The following DPP10 variants were observed in gnomAD, a reference collection of about 807,000 sequenced individuals.
The protein encoded by DPP10 is inactive dipeptidyl peptidase 10.
Under a neutral mutation model 120.9 loss-of-function variants are expected in DPP10, and 33 were observed. The ratio of observed to expected loss-of-function variants is 0.27; its 90% confidence interval spans 0.21 to 0.37. The LOEUF (loss-of-function observed/expected upper bound fraction) is 0.37. Ranked by LOEUF, DPP10 falls within the 10% of genes least tolerant of loss-of-function variation. The pLI is 1.00. For missense variants in DPP10, 816 were observed against 942.8 expected (o/e 0.87, Z 1.76); for synonymous variants, 337 against 326.1 (o/e 1.03, Z -0.36).
Position 114,700,462 on chromosome 2 carries a change from G to A in DPP10, c.60+257624G>A, listed in dbSNP as rs545026125. ...TATTTGTCAGGAATTGAAAGAAATC[G>A]GTGATCCTAAAATGTCAAAAATCAC... On this transcript the variant is annotated intron_variant, in intron 1 of 25. Transcript: ENST00000410059. Among the ~76,000 whole-genome samples the A allele has an allele frequency of 2.6e-5, 4 of 152,194 alleles. No individual in the cohort carries two copies. The South Asian group carries it at 6.2e-4, about 24-fold the overall frequency.
intron 1 of DPP10, among the ~76,000 whole-genome samples, chr2:115,191,934 T>C (rs1175879174): frequency 6.6e-6 from 1 of 152,144 alleles, no homozygotes; most frequent in African/African-American, 2.4e-5. Flanking sequence ...TGTCGGGAGA[T>C]CAGTAGTAGA....
intron 5 of DPP10, among the ~76,000 whole-genome samples, chr2:115,575,182 T>A (rs1481820454): frequency 1.3e-5 from 2 of 152,128 alleles, no homozygotes; most frequent in East Asian, 3.9e-4. Flanking sequence ...CTGTACCGAG[T>A]GCAGAGAAAT....
intron 7 of DPP10, among the ~76,000 whole-genome samples, chr2:115,691,940 A>G (rs1479418773): frequency 6.6e-6 from 1 of 152,074 alleles, no homozygotes; most frequent in African/African-American, 2.4e-5. Flanking sequence ...GCTACTGGTA[A>G]ATAGAAAGGT....
chr2:115,145,568 T>C (rs1035541388), intron 1 of DPP10, among the ~76,000 whole-genome samples: 9 of 152,210 alleles, frequency 5.9e-5, no homozygotes, highest in Non-Finnish European at 1.2e-4. Context: ...GGCATCTTGG[T>C]TGCTTCCAAG....
At chr2:115,461,425 G>A (rs1021810959) in intron 3 of DPP10, among the ~76,000 whole-genome samples, 2 of 152,096 alleles carry the variant, frequency 1.3e-5, no homozygotes, top group Admixed American at 6.6e-5. Flanking sequence ...AGTTACACAG[G>A]ATGAATAAGT....
At chr2:114,573,745 A>G (rs1689835137) in intron 1 of DPP10, among the ~76,000 whole-genome samples, 1 of 152,194 alleles carries the variant, frequency 6.6e-6, no homozygotes, top group South Asian at 2.1e-4. Flanking sequence ...TATGGAAGAA[A>G]TGCAATAGCT....
chr2:114,494,372 C>G (rs1682309963), intron 1 of DPP10, among the ~76,000 whole-genome samples: 1 of 152,082 alleles, frequency 6.6e-6, no homozygotes, highest in East Asian at 1.9e-4. Flanking sequence ...TGCAAAATTG[C>G]TATTAAGCTT....
At chr2:115,474,291 A>G (rs1038368494) in intron 3 of DPP10, among the ~76,000 whole-genome samples, 1 of 152,174 alleles carries the variant, frequency 6.6e-6, no homozygotes. Flanking sequence ...AAGCATTCAT[A>G]TGATAAGAGA....
At chr2:114,552,765 C>T (rs1411445924) in intron 1 of DPP10, among the ~76,000 whole-genome samples, 1 of 152,014 alleles carries the variant, frequency 6.6e-6, no homozygotes, top group African/African-American at 2.4e-5. Context: ...AGGATGGTCT[C>T]GAACTCCTGA....
chr2:114,932,054 G>T (rs1696109821), intron 1 of DPP10, among the ~76,000 whole-genome samples: 1 of 152,148 alleles, frequency 6.6e-6, no homozygotes, highest in South Asian at 2.1e-4. Context: ...AATCTTGCTG[G>T]CAAATTCTAT....
At chr2:114,869,046 G>A (rs1220444253) in intron 1 of DPP10, among the ~76,000 whole-genome samples, 1 of 152,138 alleles carries the variant, frequency 6.6e-6, no homozygotes, top group East Asian at 1.9e-4. Context: ...GTAAGTGAAA[G>A]TTGCTATTTA....
Position 115,133,813 on chromosome 2 carries a change from T to C in DPP10, c.61-175426T>C, listed in dbSNP as rs559591870. Among the ~76,000 whole-genome samples the C allele has an allele frequency of 3.0e-3, 449 of 151,180 alleles. 11 individuals are homozygous for C. The highest frequency in any genetic ancestry group is 0.01 in the African/African-American group (420 of 41,460). ...TTTGTGTTTTAATCAGGTCTGTCTGTGAAGTTATCTTCCAGCTATTTTGTA... is the reference window on the plus strand; with the variant it reads ...TTTGTGTTTTAATCAGGTCTGTCTGCGAAGTTATCTTCCAGCTATTTTGTA... On this transcript the variant is annotated intron_variant, in intron 1 of 25. Coordinates refer to ENST00000410059, the MANE Select transcript of DPP10 (RefSeq NM_020868.6).
chr2:115,421,295 C>T (rs2069931158), intron 3 of DPP10, among the ~76,000 whole-genome samples: 1 of 152,080 alleles, frequency 6.6e-6, no homozygotes, highest in South Asian at 2.1e-4. Flanking sequence ...TCTTCCTCAG[C>T]TGCCATGTTC....
intron 1 of DPP10, among the ~76,000 whole-genome samples, chr2:115,026,110 A>T (rs898417492): frequency 6.6e-6 from 1 of 152,142 alleles, no homozygotes; most frequent in Admixed American, 6.6e-5. Flanking sequence ...AAAATATACT[A>T]GAACATTTCC....
chr2:115,821,839 C>T (rs183066487), intron 21 of DPP10, among the ~76,000 whole-genome samples: 135 of 151,894 alleles, frequency 8.9e-4, no homozygotes, highest in Admixed American at 1.8e-3. Context: ...TAAACGTGTA[C>T]GCTTGTTTTT....
At chr2:115,838,381 C>G (rs1484033074) in intron 24 of DPP10, among the ~76,000 whole-genome samples, 1 of 152,068 alleles carries the variant, frequency 6.6e-6, no homozygotes, top group Non-Finnish European at 1.5e-5. Context: ...ATTTGTACTT[C>G]TTGCAAACAC....
chr2:115,608,596 C>T (rs1334108107), intron 5 of DPP10, among the ~76,000 whole-genome samples: 1 of 152,116 alleles, frequency 6.6e-6, no homozygotes, highest in Non-Finnish European at 1.5e-5. Context: ...GGTCACTCTA[C>T]AGCAAGGATC....
chr2:115,331,284 T>C (rs533969800), intron 2 of DPP10, among the ~76,000 whole-genome samples: 2 of 152,248 alleles, frequency 1.3e-5, no homozygotes, highest in East Asian at 1.9e-4. Context: ...TATCCTGAGA[T>C]TTTGCTGAAG....
chr2:115,367,243 T>G (rs892646843), intron 3 of DPP10, among the ~76,000 whole-genome samples: 1 of 151,902 alleles, frequency 6.6e-6, no homozygotes, highest in Non-Finnish European at 1.5e-5. Flanking sequence ...TTTGATTATG[T>G]TTGTTTGTGT....
Sources: allele counts gnomAD v4.1 joint callset (sites outside exome capture counted in the v4.1 genomes callset), GRCh38; gene constraint gnomAD v4.1.1; transcripts MANE v1.5; gene names NCBI Gene and HGNC (gene_info 2026-07-23, HGNC 2026-07-21).